SORCS2: variants seen among roughly 807,000 people sequenced by gnomAD.
SORCS2 encodes VPS10 domain-containing receptor SorCS2.
A neutral mutation model predicts 141.6 loss-of-function variants in SORCS2; 100 were observed. The observed-to-expected ratio is 0.71, with a 90% CI of 0.60 to 0.83. SORCS2 has a LOEUF of 0.83. Ranked by LOEUF, SORCS2 falls within the 40% of genes least tolerant of loss-of-function variation. The probability of loss-of-function intolerance (pLI) is 0.00; values close to 1 mark genes in which losing one functional copy is unlikely to be tolerated. For missense variants in SORCS2, 1,646 were observed against 1,560.2 expected, an observed-to-expected ratio of 1.05 and a Z score of -0.93; for synonymous variants, 789 against 676.9, an observed-to-expected ratio of 1.17 and a Z score of -2.57.
rs1264802375 is a variant in SORCS2 at position 7,667,201 on chromosome 4, T to C, written c.1149T>C (p.Tyr383=). 7 of 1,613,668 alleles carry C rather than the reference T, an allele frequency of 4.3e-6. No individual in the cohort carries two copies. In the Admixed American group the frequency reaches 8.3e-5, roughly 19 times the overall value. The stretch of plus-strand genomic sequence containing the variant: ...TTGTCCTGATGAAGCTGCCGAAGTA[T>C]GCATTGCCAAAGGTAAGGTGCTCCC... ...NEFVLMKLPK[Y]ALPKDLQIIS... is the part of the protein sequence containing the mutation. The change falls in exon 8 of 27, where the codon TAT becomes TAC. Residue 383 remains tyrosine, a synonymous_variant. Transcript: ENST00000507866.
intron 2 of SORCS2, among the ~76,000 whole-genome samples, chr4:7,497,614 G>A (rs983585058): frequency 2.0e-5 from 3 of 152,262 alleles, no homozygotes; most frequent in African/African-American, 4.8e-5. Context: ...GGTCCCTGCT[G>A]TATGTTGAGC....
At chr4:7,284,633 A>G (rs1392821399) in intron 1 of SORCS2, among the ~76,000 whole-genome samples, 2 of 152,104 alleles carry the variant, frequency 1.3e-5, no homozygotes, top group South Asian at 2.1e-4. Flanking sequence ...CCATCCACTC[A>G]TGTTCTGAAG....
intron 2 of SORCS2, among the ~76,000 whole-genome samples, chr4:7,468,374 T>C (rs1408986205): frequency 1.3e-5 from 2 of 152,224 alleles, no homozygotes; most frequent in Admixed American, 6.5e-5. Flanking sequence ...CCTCACGCTA[T>C]GTCTCCATCC....
intron 2 of SORCS2, among the ~76,000 whole-genome samples, chr4:7,489,083 G>A (rs969384192): frequency 1.3e-5 from 2 of 152,200 alleles, no homozygotes; most frequent in Non-Finnish European, 2.9e-5. Flanking sequence ...CATTTCAGTT[G>A]GGGATATGGT....
At chr4:7,305,154 C>T (rs901369652) in intron 1 of SORCS2, among the ~76,000 whole-genome samples, 4 of 152,056 alleles carry the variant, frequency 2.6e-5, no homozygotes, top group Admixed American at 6.5e-5. Context: ...GCCTCAGCCT[C>T]CCGAGTAGCT....
Position 7,287,366 on chromosome 4 carries a change from G to T in SORCS2, c.480+94240G>T, listed in dbSNP as rs567723344. Among the ~76,000 whole-genome samples, 10 of 152,358 alleles carry T rather than the reference G, an allele frequency of 6.6e-5. No individual in the cohort carries two copies. The South Asian group carries it at 2.1e-3, about 32-fold the overall frequency. On this transcript the variant is annotated intron_variant, in intron 1 of 26. Coordinates refer to ENST00000507866, the MANE Select transcript of SORCS2 (RefSeq NM_020777.3). ...CCTCCCGTCTGGGTGCGTCCCAACG[G>T]GTTCTCAGTCTGGCAGTCTTTTCCA...
chr4:7,728,551 G>A, intron 22 of SORCS2, 89 bp downstream of exon 22: 1 of 929,358 alleles, frequency 1.1e-6, no homozygotes, highest in Non-Finnish European at 1.6e-6. Flanking sequence ...TCAGGGAAAG[G>A]AGAGGCGGGT....
intron 1 of SORCS2, among the ~76,000 whole-genome samples, chr4:7,349,304 G>A (rs1308399232): frequency 6.6e-6 from 1 of 152,192 alleles, no homozygotes; most frequent in African/African-American, 2.4e-5. Flanking sequence ...CTGGACGGCT[G>A]CAGGTCAGTC....
At position 7,433,582 on chromosome 4, in the gene SORCS2, G is replaced by T. The variant is rs1445656021; in HGVS notation, c.548+37227G>T. The T allele has an allele frequency of 1.4e-5, 22 of 1,611,442 alleles. No individual in the cohort carries two copies. Among genetic ancestry groups the T allele is most frequent in the Non-Finnish European group, 1.8e-5 (21 of 1,179,072 alleles). On this transcript the variant is annotated intron_variant, in intron 2 of 26. Transcript: ENST00000507866. ...GAAGTGCTTGCACTGGATCATATAG[G>T]GCAGCGGCAGGATGCTGCAGCCACC...
intron 2 of SORCS2, among the ~76,000 whole-genome samples, chr4:7,469,001 AGTT>A (rs1490818156): frequency 6.6e-6 from 1 of 152,182 alleles, no homozygotes; most frequent in Admixed American, 6.5e-5. Flanking sequence ...TACTCTGAAG[AGTT>A]GTTGTGAGGG....
At chr4:7,444,904 C>A (rs1384782125) in intron 2 of SORCS2, among the ~76,000 whole-genome samples, 2 of 152,240 alleles carry the variant, frequency 1.3e-5, no homozygotes, top group African/African-American at 4.8e-5. Context: ...CAGGAACACA[C>A]CGAACGTTTG....
intron 3 of SORCS2, among the ~76,000 whole-genome samples, chr4:7,550,350 G>A (rs1713604780): frequency 6.6e-6 from 1 of 152,172 alleles, no homozygotes; most frequent in Non-Finnish European, 1.5e-5. Flanking sequence ...CATCTGCAGA[G>A]GACAACACTT....
chr4:7,576,726 G>C (rs1235613189), intron 3 of SORCS2, among the ~76,000 whole-genome samples: 1 of 152,198 alleles, frequency 6.6e-6, no homozygotes, highest in Non-Finnish European at 1.5e-5. Flanking sequence ...GAGGTTCCTG[G>C]AATGCCATGG....
intron 2 of SORCS2, among the ~76,000 whole-genome samples, chr4:7,408,279 G>C (rs1174466276): frequency 6.6e-6 from 1 of 152,086 alleles, no homozygotes; most frequent in East Asian, 1.9e-4. Context: ...TTCTAAGACA[G>C]ATGCGGGGGT....
intron 2 of SORCS2, among the ~76,000 whole-genome samples, chr4:7,437,314 G>A (rs556208434): frequency 2.0e-5 from 3 of 152,322 alleles, no homozygotes; most frequent in African/African-American, 7.2e-5. Flanking sequence ...TGAAAGATAT[G>A]ACTCAGGAGG....
At chr4:7,589,326 G>T (rs1053769089) in intron 3 of SORCS2, among the ~76,000 whole-genome samples, 2 of 152,202 alleles carry the variant, frequency 1.3e-5, no homozygotes, top group African/African-American at 2.4e-5. Flanking sequence ...TGTTAGCGAT[G>T]ATACCAACAG....
rs140301314 is a variant in SORCS2, at chr4:7,226,635, C to T, written c.480+33509C>T. ...TTCCCCCGAGGCCACTAATCCAGACCGCCATCTGTCCCCAGCTTTCATAGG... is the reference window on the plus strand; with the variant it reads ...TTCCCCCGAGGCCACTAATCCAGACTGCCATCTGTCCCCAGCTTTCATAGG... On this transcript the variant is annotated intron_variant, in intron 1 of 26. Transcript: ENST00000507866. 2.1e-3 allele frequency among the ~76,000 whole-genome samples: 325 copies of T among 152,252 alleles called. 3 individuals are homozygous for T. The highest frequency in any genetic ancestry group is 4.0e-3 in the Non-Finnish European group (270 of 68,016).
chr4:7,477,447 G>A (rs1577629387), intron 2 of SORCS2, among the ~76,000 whole-genome samples: 2 of 152,026 alleles, frequency 1.3e-5, no homozygotes, highest in East Asian at 1.9e-4. Context: ...ATGGCTGACT[G>A]GGGCTGACCA....
chr4:7,271,452 G>A (rs1211156156), intron 1 of SORCS2, among the ~76,000 whole-genome samples: 2 of 152,140 alleles, frequency 1.3e-5, no homozygotes. Flanking sequence ...GCCCTTGCCT[G>A]GAATACCCTT....
Sources: gnomAD v4.1 joint callset for allele counts (sites outside exome capture counted in the v4.1 genomes callset) on GRCh38, gnomAD v4.1.1 for gene constraint, MANE v1.5 for transcripts, NCBI Gene and HGNC (gene_info 2026-07-23, HGNC 2026-07-21) for gene names.